The following POMGNT1 variants were observed in gnomAD, a reference collection of about 807,000 sequenced individuals.
POMGNT1 encodes the protein protein O-linked-mannose beta-1,2-N-acetylglucosaminyltransferase 1.
A neutral mutation model predicts 95.6 loss-of-function variants in POMGNT1; 67 were observed. The observed-to-expected ratio is 0.70, with a 90% CI of 0.58 to 0.86. The LOEUF (loss-of-function observed/expected upper bound fraction) is 0.86. Among genes scored for constraint, POMGNT1 ranks in the 40% least tolerant of loss-of-function variants. The pLI, the probability that POMGNT1 is intolerant of heterozygous loss-of-function variation, is 0.00. For synonymous variants in POMGNT1, 298 were observed against 317.9 expected, an observed-to-expected ratio of 0.94 and a Z score of 0.66; for missense variants, 719 against 855.2, an observed-to-expected ratio of 0.84 and a Z score of 1.99.
chr1:46,209,309 GC>G (rs1658820404), intron 1 of POMGNT1, among the ~76,000 whole-genome samples: 1 of 151,532 alleles, frequency 6.6e-6, no homozygotes, highest in Non-Finnish European at 1.5e-5. Flanking sequence ...CAGAGCCACC[GC>G]CCCCTGCCAA....
In POMGNT1 at chr1:46,196,908, T is replaced by G; in HGVS notation, c.236-59A>C. ...CTCAGCAGAGTCTCACCGCTTAGGG[T>G]CTGCCTGCCACTCCAGCTGTGAGAT... On this transcript the variant is annotated intron_variant, in intron 3 of 21. Coordinates refer to ENST00000371984, the MANE Select transcript of POMGNT1 (RefSeq NM_017739.4). This position sits in a 1 kb window ranked among gnomAD's most constrained non-coding sequence, Gnocchi z 4.4. 6.2e-7 allele frequency: 1 copy of G among 1,614,118 alleles called. No individual in the cohort carries two copies. Among genetic ancestry groups the G allele is most frequent in the East Asian group, 2.2e-5 (1 of 44,884 alleles).
In POMGNT1 at chr1:46,196,134, G is replaced by C; in HGVS notation, c.355-57C>G. On this transcript the variant is annotated intron_variant, in intron 4 of 21. Coordinates refer to ENST00000371984, the MANE Select transcript of POMGNT1 (RefSeq NM_017739.4). The surrounding 1 kb of genome is among the most constrained non-coding windows in gnomAD (Gnocchi z 4.4). ...TCACTCTGGCATTCAAGGTGTCTCT[G>C]TCTTAGGGGTACTTAAAACACCAGC... 8 of 1,612,096 alleles carry C rather than the reference G, an allele frequency of 5.0e-6. No homozygotes were observed. The highest frequency in any genetic ancestry group is 6.8e-6 in the Non-Finnish European group (8 of 1,179,804).
At chr1:46,219,684 C>T (rs1445614442) in intron 1 of POMGNT1, 1 of 1,555,292 alleles carries the variant, frequency 6.4e-7, no homozygotes, top group Admixed American at 1.9e-5. Context: ...CTAATTCCTT[C>T]TCCCACTCCC....
rs2148224270 is a variant in POMGNT1, at chr1:46,198,177, T to A, written c.-51+159A>T. ...GTTCCAGGCCTTCCCAAGCCTGTGG[T>A]GAGCAAAGAGCGACCTCTCCTGCCC... On this transcript the variant is annotated intron_variant, in intron 1 of 21. Coordinates refer to ENST00000371984, the MANE Select transcript of POMGNT1 (RefSeq NM_017739.4). The A allele has an allele frequency of 1.4e-5, 4 of 295,994 alleles. No individual in the cohort carries two copies. The South Asian group carries it at 1.5e-4, about 11-fold the overall frequency. The allele number at this position is 295,994 out of a possible 1,614,324, so 18.3% of individuals were successfully genotyped here. A position where few individuals can be genotyped will look rare whatever the true frequency, so the allele number is the denominator to read the frequency against.
At chr1:46,203,726 A>C in intron 1 of POMGNT1, 1 of 1,127,948 alleles carries the variant, frequency 8.9e-7, no homozygotes, top group Non-Finnish European at 1.2e-6. Context: ...GGTAGTTAAA[A>C]CTCTCCACCT....
chr1:46,196,658 G>A lies in POMGNT1; in HGVS notation c.354+73C>T. 1 of 1,611,418 alleles carries A rather than the reference G, an allele frequency of 6.2e-7. No individual in the cohort carries two copies. The highest frequency in any genetic ancestry group is 8.5e-7 in the Non-Finnish European group (1 of 1,179,850). On this transcript the variant is annotated intron_variant, in intron 4 of 21. Coordinates refer to ENST00000371984, the MANE Select transcript of POMGNT1 (RefSeq NM_017739.4). The surrounding 1 kb of genome is among the most constrained non-coding windows in gnomAD (Gnocchi z 4.4). ...CAGAGTTGCAGTTCCCACTTAGGCA[G>A]TAGACCCTGCTGCCAGTGGACCATG...
At chr1:46,215,338 G>A (rs1358596809) in intron 1 of POMGNT1, among the ~76,000 whole-genome samples, 1 of 151,068 alleles carries the variant, frequency 6.6e-6, no homozygotes, top group Admixed American at 6.6e-5. Context: ...AGAAAGAACA[G>A]AAAAATACTG....
At chr1:46,212,433 G>A (rs1169390353) in intron 1 of POMGNT1, among the ~76,000 whole-genome samples, 20 of 148,914 alleles carry the variant, frequency 1.3e-4, no homozygotes, top group African/African-American at 5.0e-4. Context: ...GGCGTACACT[G>A]CCACGCCCAG....
At chr1:46,205,997 C>T (rs1245948897) in intron 1 of POMGNT1, among the ~76,000 whole-genome samples, 1 of 152,216 alleles carries the variant, frequency 6.6e-6, no homozygotes, top group Non-Finnish European at 1.5e-5. Context: ...TAGGCCTCGT[C>T]CCTCCTGCTT....
At chr1:46,193,813 C>A in intron 10 of POMGNT1, 42 bp downstream of exon 10, 1 of 1,612,166 alleles carries the variant, frequency 6.2e-7, no homozygotes. Flanking sequence ...GACCTAAGCA[C>A]CCTCCTGTTC....
chr1:46,217,275 C>A (rs1442256289), intron 1 of POMGNT1, among the ~76,000 whole-genome samples: 1 of 152,030 alleles, frequency 6.6e-6, no homozygotes, highest in African/African-American at 2.4e-5. Context: ...ATAGATAGAA[C>A]GTGTCATGCA....
chr1:46,213,219 A>G (rs745523907), intron 1 of POMGNT1, among the ~76,000 whole-genome samples: 9 of 151,780 alleles, frequency 5.9e-5, no homozygotes, highest in South Asian at 4.2e-4. Flanking sequence ...GATGAACAGC[A>G]TATACCATAG....
At position 46,196,855 on chromosome 1, in the gene POMGNT1, GGGTACAACA is replaced by G. The variant is rs769193448; in HGVS notation, c.236-15_236-7del. 6.1e-5 allele frequency: 99 copies of G among 1,614,164 alleles called. 1 individual carries two copies. In the South Asian group the frequency reaches 1.1e-3, roughly 17 times the overall value. On this transcript the variant is annotated splice_region_variant and splice_polypyrimidine_tract_variant and intron_variant, in intron 3 of 21. Coordinates refer to ENST00000371984, the MANE Select transcript of POMGNT1 (RefSeq NM_017739.4). This position sits in a 1 kb window ranked among gnomAD's most constrained non-coding sequence, Gnocchi z 4.4. ...CAGGCGGCCTAGGGCCTCATCTGTG[GGGTACAACA>G]GGTCATGGAGATAGTCTCCTCAGCA...
Position 46,193,814 on chromosome 1 carries a change from C to T in POMGNT1, c.950+41G>A, listed in dbSNP as rs748020881. The stretch of plus-strand genomic sequence containing the variant: ...TCCTGGAGGTAGATGACCTAAGCAC[C>T]CTCCTGTTCAGTGCTGGGTATAGCC... On this transcript the variant is annotated intron_variant, in intron 10 of 21. Transcript: ENST00000371984. 8 of 1,612,266 alleles carry T rather than the reference C, an allele frequency of 5.0e-6. No individual in the cohort carries two copies. In the East Asian group the frequency reaches 1.6e-4, roughly 31 times the overall value.
At chr1:46,211,444 C>CATAT (rs532792988) in intron 1 of POMGNT1, among the ~76,000 whole-genome samples, 1 of 133,880 alleles carries the variant, frequency 7.5e-6, no homozygotes, top group Non-Finnish European at 1.6e-5. Flanking sequence ...AACCTGCACA[C>CATAT]ACACACACAC....
rs190679183 is a variant in POMGNT1 at position 46,205,038 on chromosome 1, G to A, written c.-50-7167C>T. ...TTTGGGAGGCCGAGGCAGGCAGATC[G>A]CTTGAGCCCAGGAGTTTGAGACCAG... On this transcript the variant is annotated intron_variant, in intron 1 of 22. Coordinates refer to the POMGNT1 transcript ENST00000371992. Among the ~76,000 whole-genome samples, 848 of 152,200 alleles carry A rather than the reference G, an allele frequency of 5.6e-3. 5 individuals are homozygous for A. The highest frequency in any genetic ancestry group is 0.018 in the African/African-American group (760 of 41,536).
At chr1:46,193,007 G>A (rs199982465) in intron 13 of POMGNT1, 49 bp from the exon 14 acceptor site, 7 of 1,609,954 alleles carry the variant, frequency 4.3e-6, no homozygotes, top group Middle Eastern at 1.6e-4. Flanking sequence ...TCTCCATCCT[G>A]TGATCTCCTT....
intron 9 of POMGNT1, 57 bp downstream of exon 9, chr1:46,194,217 G>GC (rs1366729289): frequency 2.5e-6 from 4 of 1,613,592 alleles, no homozygotes; most frequent in Non-Finnish European, 3.4e-6. Flanking sequence ...CATTCCTGGG[G>GC]CCCCCCTGCT....
At position 46,193,193 on chromosome 1, in the gene POMGNT1, G is replaced by T. The variant is rs1256675358; in HGVS notation, c.1133C>A (p.Ala378Asp). 6.2e-7 allele frequency: 1 copy of T among 1,614,106 alleles called. No individual in the cohort carries two copies. Among genetic ancestry groups the T allele is most frequent in the Non-Finnish European group, 8.5e-7 (1 of 1,180,046 alleles). ...ACTCACCGGAAACAGGTTGAAAGTGGCAGTGAGGCTGGCCTTGTAGTGCTG... is the reference window on the plus strand; with the variant it reads ...ACTCACCGGAAACAGGTTGAAAGTGTCAGTGAGGCTGGCCTTGTAGTGCTG... Reference protein sequence around the residue: ...VSQHYKASLTATFNLFPEAKF... With the variant: ...VSQHYKASLTDTFNLFPEAKF... Residue 378 changes from alanine (A) to aspartate (D), a missense_variant, in exon 13 of 22, where the codon GCC (alanine) becomes GAC (aspartate). Physicochemically the swap from Ala to Asp is moderately radical, Grantham distance 126. Around this residue, in one of 5 missense-constraint regions of POMGNT1, gnomAD observed 466 missense variants for 517.4 expected, o/e 0.90. Coordinates refer to ENST00000371984, the MANE Select transcript of POMGNT1 (RefSeq NM_017739.4).
Sources: gnomAD v4.1 joint callset for allele counts (sites outside exome capture counted in the v4.1 genomes callset) on GRCh38, gnomAD v4.1.1 for gene constraint, gnomAD v4.1.1 regional missense constraint, Gnocchi (gnomAD v3.1) non-coding constraint, MANE v1.5 for transcripts, NCBI Gene and HGNC (gene_info 2026-07-23, HGNC 2026-07-21) for gene names.